The following DNAAF5 variants were observed in gnomAD, a reference collection of about 807,000 sequenced individuals.
DNAAF5 encodes HEAT repeat containing 2.
Under a neutral mutation model 75.8 loss-of-function variants are expected in DNAAF5, and 64 were observed. The ratio of observed to expected loss-of-function variants is 0.84; its 90% confidence interval spans 0.69 to 1.04. DNAAF5 has a LOEUF of 1.04. Among genes scored for constraint, DNAAF5 ranks in the 50% least tolerant of loss-of-function variants. The pLI is 0.00. For synonymous variants in DNAAF5, 657 were observed against 557.2 expected, an observed-to-expected ratio of 1.18 and a Z score of -2.52; for missense variants, 1,269 against 1,178.5, an observed-to-expected ratio of 1.08 and a Z score of -1.12.
intron 12 of DNAAF5, among the ~76,000 whole-genome samples, chr7:781,759 T>C (rs1352255057): frequency 6.6e-6 from 1 of 152,236 alleles, no homozygotes; most frequent in Non-Finnish European, 1.5e-5. Flanking sequence ...GTGGGCACCT[T>C]TTCAGACGCC....
In DNAAF5 at chr7:785,543, T is replaced by C. The variant is rs1779118730; in HGVS notation, c.2458T>C (p.Phe820Leu). 2 of 1,613,658 alleles carry C rather than the reference T, an allele frequency of 1.2e-6. No homozygotes were observed. Among genetic ancestry groups the C allele is most frequent in the East Asian group, 2.2e-5 (1 of 44,892 alleles). The change falls in exon 13 of 13, where the codon TTC (phenylalanine) becomes CTC (leucine). Residue 820 changes from phenylalanine to leucine, a missense_variant. Transcript: ENST00000297440. ...GGTCCTCAAAGAGGGCAGCGGGCTG[T>C]TCCCAGATCTCCTGGTGAGGGAGAC... ...LEVLKEGSGL[F>L]PDLLVRETEA...
chr7:730,759 G>C (rs1234208972), intron 2 of DNAAF5, among the ~76,000 whole-genome samples: 1 of 152,120 alleles, frequency 6.6e-6, no homozygotes, highest in Non-Finnish European at 1.5e-5. Context: ...GCTGCCTAGG[G>C]GCTGTGCGCA....
intron 11 of DNAAF5, among the ~76,000 whole-genome samples, chr7:779,200 C>T (rs1326966922): frequency 6.6e-6 from 1 of 152,232 alleles, no homozygotes; most frequent in Non-Finnish European, 1.5e-5. Context: ...CCCAGCCCAC[C>T]CTCGCGTCTG....
intron 12 of DNAAF5, among the ~76,000 whole-genome samples, chr7:781,915 T>TA (rs1268699604): frequency 2.0e-5 from 3 of 152,254 alleles, no homozygotes; most frequent in African/African-American, 7.2e-5. Context: ...GGTTCTAAGA[T>TA]ACAGTCTCCC....
At chr7:740,044 C>T (rs1483584510) in intron 2 of DNAAF5, among the ~76,000 whole-genome samples, 1 of 152,090 alleles carries the variant, frequency 6.6e-6, no homozygotes, top group Admixed American at 6.5e-5. Context: ...CCCCTGGCCT[C>T]ACAGGGGACA....
At position 763,856 on chromosome 7, in the gene DNAAF5, C is replaced by T; in HGVS notation, c.1665C>T (p.Cys555=). 10 of 1,613,440 alleles carry T rather than the reference C, an allele frequency of 6.2e-6. No homozygotes were observed. Among genetic ancestry groups the T allele is most frequent in the Non-Finnish European group, 8.5e-6 (10 of 1,180,040 alleles). Residue 555 remains cysteine, a synonymous_variant, in exon 8 of 13, where the codon TGC becomes TGT. Coordinates refer to ENST00000297440, the MANE Select transcript of DNAAF5 (RefSeq NM_017802.4). Reference sequence around the variant, plus strand: ...CCATGGTGGAGGGTGTCAGCAGCTGCCAGGACCTCTACCGCAAGCACATTG... The same window carrying T: ...CCATGGTGGAGGGTGTCAGCAGCTGTCAGGACCTCTACCGCAAGCACATTG... ...SLAMVEGVSS[C]QDLYRKHIGP... is the part of the protein sequence containing the mutation.
chr7:758,801 G>C (rs1398489454), intron 6 of DNAAF5, among the ~76,000 whole-genome samples: 1 of 152,102 alleles, frequency 6.6e-6, no homozygotes, highest in Admixed American at 6.6e-5. Context: ...TCCTGCCTCA[G>C]CCTCCCAAGT....
At position 726,799 on chromosome 7, in the gene DNAAF5, C is replaced by T; in HGVS notation, c.79C>T (p.Leu27=). 2 of 1,302,570 alleles carry T rather than the reference C, an allele frequency of 1.5e-6. No individual in the cohort carries two copies. The highest frequency in any genetic ancestry group is 3.1e-5 in the East Asian group (1 of 32,134). The allele number at this position is 1,302,570 out of a possible 1,614,324, so 80.7% of individuals were successfully genotyped here. A position where few individuals can be genotyped will look rare whatever the true frequency, so the allele number is the denominator to read the frequency against. ...GGCCGAGACGGCTGAGGCGGTGGAGCTGAGCCGCGCCCTGAGCCGCCTGCT... is the reference window on the plus strand; with the variant it reads ...GGCCGAGACGGCTGAGGCGGTGGAGTTGAGCCGCGCCCTGAGCCGCCTGCT... ...EGAETAEAVE[L]SRALSRLLPG... is the part of the protein sequence containing the mutation. The change falls in exon 1 of 13, where the codon CTG becomes TTG. Residue 27 remains leucine (L), a synonymous_variant. Transcript: ENST00000297440.
intron 2 of DNAAF5, among the ~76,000 whole-genome samples, chr7:730,722 C>T (rs572045218): frequency 2.0e-5 from 3 of 152,304 alleles, no homozygotes; most frequent in African/African-American, 4.8e-5. Flanking sequence ...CTTCATTCTC[C>T]GGCTCTCTCC....
chr7:763,110 G>T (rs1054195311), intron 7 of DNAAF5, among the ~76,000 whole-genome samples: 1 of 152,192 alleles, frequency 6.6e-6, no homozygotes, highest in Non-Finnish European at 1.5e-5. Flanking sequence ...CTGGTGTGGA[G>T]GAGGCTGCTG....
At chr7:746,558 G>T (rs1234578910) in intron 4 of DNAAF5, among the ~76,000 whole-genome samples, 1 of 128,276 alleles carries the variant, frequency 7.8e-6, no homozygotes, top group Non-Finnish European at 1.6e-5. Context: ...CCCGCCCGCC[G>T]TGCCCAGGCT....
chr7:780,889 T>C (rs75975247), intron 12 of DNAAF5, among the ~76,000 whole-genome samples: 21,930 of 149,678 alleles, frequency 0.15, 2,184 homozygotes, highest in Middle Eastern at 0.27. Flanking sequence ...TTTTTTTTAA[T>C]AAAATTTGTA....
At chr7:735,739 T>C (rs1781723701) in intron 2 of DNAAF5, among the ~76,000 whole-genome samples, 1 of 152,216 alleles carries the variant, frequency 6.6e-6, no homozygotes, top group Non-Finnish European at 1.5e-5. Context: ...AATCTAACTG[T>C]TCATTTTGTT....
chr7:768,994 A>T (rs1334075179), intron 8 of DNAAF5: 1 of 601,054 alleles, frequency 1.7e-6, no homozygotes, highest in African/African-American at 1.8e-5. Context: ...CTTCGGTGCA[A>T]CGCCTCCTGC....
chr7:769,210 C>G (rs763191403), intron 8 of DNAAF5: 1 of 770,834 alleles, frequency 1.3e-6, no homozygotes, highest in African/African-American at 1.7e-5. Flanking sequence ...CTCAAGGTGA[C>G]TCACAGTTGC....
intron 2 of DNAAF5, among the ~76,000 whole-genome samples, chr7:739,640 G>A (rs1010903573): frequency 9.2e-5 from 14 of 152,194 alleles, no homozygotes; most frequent in African/African-American, 1.9e-4. Context: ...GGAGTCAGGC[G>A]CAACGGGCCT....
At chr7:753,812 GTC>G (rs141031442) in intron 4 of DNAAF5, among the ~76,000 whole-genome samples, 48 of 145,794 alleles carry the variant, frequency 3.3e-4, no homozygotes, top group East Asian at 1.2e-3. Context: ...TCGCAGGCGT[GTC>G]TCTCTCATCA....
Position 775,074 on chromosome 7 carries a change from G to C in DNAAF5, c.2151G>C (p.Thr717=), listed in dbSNP as rs199762403. The C allele has an allele frequency of 7.4e-6, 12 of 1,613,898 alleles. No individual in the cohort carries two copies. The highest frequency in any genetic ancestry group is 1.3e-5 in the African/African-American group (1 of 74,872). ...CCCTGGAGGAGGATTCGAAGATGAC[G>C]CGACTGATCTCATGCCGTATTATCA... is the stretch of plus-strand genomic sequence containing the variant. ...LTTLEEDSKM[T]RLISCRIINT... is the part of the protein sequence containing the mutation. Residue 717 remains threonine, a synonymous_variant, in exon 11 of 13, where the codon ACG becomes ACC. Coordinates refer to ENST00000297440, the MANE Select transcript of DNAAF5 (RefSeq NM_017802.4).
At chr7:753,838 T>C (rs1374983355) in intron 4 of DNAAF5, among the ~76,000 whole-genome samples, 1 of 141,026 alleles carries the variant, frequency 7.1e-6, no homozygotes, top group African/African-American at 2.7e-5. Flanking sequence ...GGGGATGGCT[T>C]CGCAGGCGTG....
Sources: gnomAD v4.1 joint callset for allele counts (sites outside exome capture counted in the v4.1 genomes callset) on GRCh38, gnomAD v4.1.1 for gene constraint, MANE v1.5 for transcripts, NCBI Gene and HGNC (gene_info 2026-07-23, HGNC 2026-07-21) for gene names.